Variants in NRXN3 observed in about 807,000 individuals in gnomAD.
NRXN3 encodes the protein neurexin 3, also known as neurexin III.
NRXN3 carries 32 observed loss-of-function variants against 137.6 expected under a neutral mutation model. The ratio of observed to expected loss-of-function variants is 0.23; its 90% CI spans 0.18 to 0.31. NRXN3 has a LOEUF of 0.31. Among genes scored for constraint, NRXN3 ranks in the 10% least tolerant of loss-of-function variants. NRXN3 has a pLI of 1.00. For missense variants in NRXN3, 1,574 were observed against 2,062.5 expected (o/e 0.76, Z 4.59); for synonymous variants, 798 against 784.5 (o/e 1.02, Z -0.29).
At chr14:78,911,902 G>GC (rs764946506) in intron 10 of NRXN3, among the ~76,000 whole-genome samples, 219 of 151,534 alleles carry the variant, frequency 1.4e-3, no homozygotes, top group Admixed American at 4.1e-3. Context: ...AAATTGGTAT[G>GC]TTTTTTTCCT....
intron 15 of NRXN3, among the ~76,000 whole-genome samples, chr14:79,063,834 C>A (rs151177267): frequency 1.3e-5 from 2 of 152,156 alleles, no homozygotes; most frequent in African/African-American, 4.8e-5. Flanking sequence ...AATTGTTTAA[C>A]ATGTTGGAAT....
intron 10 of NRXN3, among the ~76,000 whole-genome samples, chr14:78,930,779 G>C (rs2099319362): frequency 6.6e-6 from 1 of 152,204 alleles, no homozygotes; most frequent in Non-Finnish European, 1.5e-5. Context: ...ATGCCAGGCT[G>C]TAGTGGTGAC....
chr14:79,517,155 A>G (rs1332596252), intron 16 of NRXN3, among the ~76,000 whole-genome samples: 1 of 146,054 alleles, frequency 6.8e-6, no homozygotes, highest in Non-Finnish European at 1.5e-5. Context: ...CTGTGGTCAC[A>G]CTTTTAGAAA....
intron 15 of NRXN3, among the ~76,000 whole-genome samples, chr14:79,420,066 AT>A (rs71454880): frequency 0.055 from 8,360 of 152,252 alleles, 317 homozygotes; most frequent in Non-Finnish European, 0.083. Context: ...GGGAAGAGAT[AT>A]TTTGGCTCCA....
chr14:79,703,805 C>T (rs2098764841), intron 19 of NRXN3, among the ~76,000 whole-genome samples: 1 of 152,108 alleles, frequency 6.6e-6, no homozygotes, highest in South Asian at 2.1e-4. Flanking sequence ...CTTACAGTAC[C>T]TTTCCCGTAG....
intron 19 of NRXN3, among the ~76,000 whole-genome samples, chr14:79,709,811 C>A (rs938791053): frequency 6.6e-6 from 1 of 152,026 alleles, no homozygotes; most frequent in Non-Finnish European, 1.5e-5. Flanking sequence ...TGAAGACAGA[C>A]AAGGAGAGAG....
chr14:79,518,553 A>T (rs990662298), intron 16 of NRXN3, among the ~76,000 whole-genome samples: 4 of 152,118 alleles, frequency 2.6e-5, no homozygotes, highest in African/African-American at 9.7e-5. Context: ...ATTAAGGCAT[A>T]CTAATTCTGC....
intron 16 of NRXN3, among the ~76,000 whole-genome samples, chr14:79,483,458 G>C (rs2096626705): frequency 6.6e-6 from 1 of 152,190 alleles, no homozygotes; most frequent in Non-Finnish European, 1.5e-5. Flanking sequence ...GGGAGGCCAA[G>C]GCAGGAGGAT....
intron 4 of NRXN3, among the ~76,000 whole-genome samples, chr14:78,438,170 C>G (rs1269029737): frequency 2.0e-5 from 3 of 152,036 alleles, no homozygotes; most frequent in Non-Finnish European, 4.4e-5. Flanking sequence ...AAAAATAATC[C>G]TCAGGTTTCT....
intron 15 of NRXN3, among the ~76,000 whole-genome samples, chr14:79,279,145 G>T (rs1347903582): frequency 6.6e-6 from 1 of 152,126 alleles, no homozygotes; most frequent in Non-Finnish European, 1.5e-5. Context: ...ACACACGGCG[G>T]GGCGGGAGCC....
intron 15 of NRXN3, among the ~76,000 whole-genome samples, chr14:79,412,889 G>C (rs1179002686): frequency 6.6e-6 from 1 of 150,838 alleles, no homozygotes; most frequent in Non-Finnish European, 1.5e-5. Flanking sequence ...TGCATAGCAA[G>C]TTGACTATTC....
intron 19 of NRXN3, among the ~76,000 whole-genome samples, chr14:79,717,924 G>A (rs1453693860): frequency 6.6e-6 from 1 of 152,158 alleles, no homozygotes; most frequent in Non-Finnish European, 1.5e-5. Flanking sequence ...GGAGAGCAGG[G>A]TGATTCCTGC....
chr14:78,400,376 T>G (rs2091938501), intron 4 of NRXN3, among the ~76,000 whole-genome samples: 2 of 152,244 alleles, frequency 1.3e-5, no homozygotes, highest in South Asian at 4.1e-4. Flanking sequence ...CTGGTGGTAC[T>G]TTTAAGACTT....
In NRXN3 at chr14:79,548,270, T is replaced by C. The variant is rs745907206; in HGVS notation, c.3444+80868T>C. ...ATTCTCGTTGTTCAACTCCCACTTA[T>C]GAGTGAGAACATGCAGTGTTTGGTT... is the stretch of plus-strand genomic sequence containing the variant. On this transcript the variant is annotated intron_variant, in intron 16 of 20. Transcript: ENST00000335750. Among the ~76,000 whole-genome samples the C allele has an allele frequency of 8.1e-4, 124 of 152,272 alleles. 4 individuals are homozygous for C. The highest frequency in any genetic ancestry group is 2.4e-4 in the Non-Finnish European group (16 of 68,022).
chr14:78,948,435 G>T (rs2152936161), intron 10 of NRXN3, among the ~76,000 whole-genome samples: 1 of 152,242 alleles, frequency 6.6e-6, no homozygotes, highest in South Asian at 2.1e-4. Flanking sequence ...AAGGCCCAAG[G>T]GCTGGCCATG....
At chr14:78,948,388 C>G (rs2099373362) in intron 10 of NRXN3, among the ~76,000 whole-genome samples, 1 of 152,176 alleles carries the variant, frequency 6.6e-6, no homozygotes, top group Admixed American at 6.5e-5. Context: ...CTTGGTTGCT[C>G]TTTCTTGCAG....
intron 1 of NRXN3, among the ~76,000 whole-genome samples, chr14:78,203,246 G>T (rs2061842541): frequency 1.3e-5 from 2 of 152,296 alleles, no homozygotes; most frequent in East Asian, 1.9e-4. Flanking sequence ...CAACTCCTTT[G>T]TTTCACCCCC....
At chr14:78,321,745 T>C (rs2079395252) in intron 4 of NRXN3, among the ~76,000 whole-genome samples, 1 of 151,968 alleles carries the variant, frequency 6.6e-6, no homozygotes, top group Admixed American at 6.6e-5. Flanking sequence ...CTAAACCGAG[T>C]CAAAAGAGGT....
At chr14:79,347,415 G>A (rs1487268059) in intron 15 of NRXN3, among the ~76,000 whole-genome samples, 1 of 151,392 alleles carries the variant, frequency 6.6e-6, no homozygotes, top group Non-Finnish European at 1.5e-5. Flanking sequence ...TTAGAATGAG[G>A]CAACGTTTTC....
Sources: gnomAD v4.1 joint callset for allele counts (sites outside exome capture counted in the v4.1 genomes callset) on GRCh38, gnomAD v4.1.1 for gene constraint, MANE v1.5 for transcripts, NCBI Gene and HGNC (gene_info 2026-07-23, HGNC 2026-07-21) for gene names.